ACSF2: variants seen among roughly 807,000 people sequenced by gnomAD.
ACSF2 encodes the protein acyl-CoA synthetase family member 2.
A neutral mutation model predicts 79.3 loss-of-function variants in ACSF2; 52 were observed. The ratio of observed to expected loss-of-function variants is 0.66; its 90% confidence interval spans 0.53 to 0.83. The LOEUF is 0.83. Ranked by LOEUF, ACSF2 falls within the 40% of genes least tolerant of loss-of-function variation. ACSF2 has a pLI of 0.00. For missense variants in ACSF2, 661 were observed against 803.3 expected, an observed-to-expected ratio of 0.82 and a Z score of 2.14; for synonymous variants, 283 against 312.6, an observed-to-expected ratio of 0.91 and a Z score of 1.00.
At chr17:50,458,923 G>A (rs1023575802) in intron 1 of ACSF2, among the ~76,000 whole-genome samples, 3 of 152,304 alleles carry the variant, frequency 2.0e-5, no homozygotes, top group Middle Eastern at 3.4e-3. Flanking sequence ...TCCCACCCAC[G>A]AAGAGCTAAT....
At position 50,463,717 on chromosome 17, in the gene ACSF2, C is replaced by T; in HGVS notation, c.1047-101C>T. 1 of 1,483,400 alleles carries T rather than the reference C, an allele frequency of 6.7e-7. No individual in the cohort carries two copies. The highest frequency in any genetic ancestry group is 1.2e-5 in the South Asian group (1 of 82,508). 91.9% of individuals were successfully genotyped at this position (1,483,400 alleles called of 1,614,324 possible). On this transcript the variant is annotated intron_variant, in intron 8 of 15. Transcript: ENST00000300441. The surrounding 1 kb of genome is among the most constrained non-coding windows in gnomAD (Gnocchi z 4.6). ...GGACCAGTTCCTGCCTCAGGAGCTT[C>T]TCCTGCCTATTCCCTTTGCTGCAGT...
intron 1 of ACSF2, among the ~76,000 whole-genome samples, chr17:50,437,741 CT>C (rs2030552979): frequency 6.6e-6 from 1 of 152,050 alleles, no homozygotes; most frequent in Non-Finnish European, 1.5e-5. Context: ...GTTGCTTCAT[CT>C]TTTGGATATT....
intron 10 of ACSF2, chr17:50,468,438 T>C (rs751020440): frequency 6.2e-7 from 1 of 1,613,856 alleles, no homozygotes. Context: ...TAGAGGTAGG[T>C]CAGCTCGGTC....
intron 10 of ACSF2, chr17:50,465,664 C>A (rs1329037788): frequency 1.2e-6 from 2 of 1,608,128 alleles, no homozygotes; most frequent in South Asian, 2.2e-5. Context: ...GTGCCTCTAT[C>A]ACATGAGGGT....
intron 1 of ACSF2, among the ~76,000 whole-genome samples, chr17:50,433,988 A>G (rs995584870): frequency 1.4e-4 from 21 of 152,030 alleles, no homozygotes; most frequent in African/African-American, 4.8e-4. Flanking sequence ...TTTTCTGTAC[A>G]TACTTACAAA....
At chr17:50,439,346 A>T (rs1251063668) in intron 1 of ACSF2, among the ~76,000 whole-genome samples, 3 of 148,408 alleles carry the variant, frequency 2.0e-5, no homozygotes, top group African/African-American at 7.5e-5. Context: ...AAGTGCTGGG[A>T]TCACAGGCAT....
chr17:50,449,477 T>C (rs1296441774), intron 1 of ACSF2, among the ~76,000 whole-genome samples: 2 of 149,312 alleles, frequency 1.3e-5, no homozygotes, highest in East Asian at 4.0e-4. Context: ...CGATCTCGGC[T>C]CACTGCAAGC....
At chr17:50,472,728 A>G in intron 12 of ACSF2, 149 bp downstream of exon 12, 1 of 921,538 alleles carries the variant, frequency 1.1e-6, no homozygotes. Flanking sequence ...CAAAATGTAT[A>G]CGGTGGGGAT....
intron 1 of ACSF2, among the ~76,000 whole-genome samples, chr17:50,434,251 C>T (rs1020251180): frequency 1.3e-5 from 2 of 151,204 alleles, no homozygotes; most frequent in Admixed American, 6.6e-5. Flanking sequence ...CCCAGGAAGT[C>T]GAGGCTGCAG....
In ACSF2 at chr17:50,463,373, A is replaced by G; in HGVS notation, c.889-22A>G. The G allele has an allele frequency of 6.2e-7, 1 of 1,612,768 alleles. No individual in the cohort carries two copies. Among genetic ancestry groups the G allele is most frequent in the Non-Finnish European group, 8.5e-7 (1 of 1,179,174 alleles). On this transcript the variant is annotated intron_variant, in intron 7 of 15. Coordinates refer to ENST00000300441, the MANE Select transcript of ACSF2 (RefSeq NM_025149.6). The surrounding 1 kb of genome is among the most constrained non-coding windows in gnomAD (Gnocchi z 4.6). ...TGGCGTCTGGCTCCAAGACAGACCC[A>G]GCCTCCTGTCTCCATCACCAGACAC... is the stretch of plus-strand genomic sequence containing the variant.
chr17:50,430,202 A>G (rs1372569927), intron 1 of ACSF2, among the ~76,000 whole-genome samples: 1 of 152,174 alleles, frequency 6.6e-6, no homozygotes, highest in Non-Finnish European at 1.5e-5. Flanking sequence ...ACCACCCTCC[A>G]TGGGGATGGC....
intron 10 of ACSF2, chr17:50,470,203 T>G (rs745827416): frequency 1.3e-5 from 2 of 152,254 alleles, no homozygotes; most frequent in Non-Finnish European, 2.9e-5. Flanking sequence ...CTAGCCTCTC[T>G]TCCCTTACCC....
chr17:50,449,562 G>A (rs1273438289), intron 1 of ACSF2, among the ~76,000 whole-genome samples: 7 of 150,958 alleles, frequency 4.6e-5, no homozygotes, highest in East Asian at 1.9e-4. Flanking sequence ...CCGCCACCAC[G>A]CCCGGCTAAT....
In ACSF2 at chr17:50,469,087, G is replaced by A. The variant is rs1480801009; in HGVS notation, c.1216-1941G>A. 3 of 1,211,382 alleles carry A rather than the reference G, an allele frequency of 2.5e-6. No homozygotes were observed. In the African/African-American group the frequency reaches 4.8e-5, roughly 19 times the overall value. 75.0% of individuals were successfully genotyped at this position (1,211,382 alleles called of 1,614,324 possible). A position where few individuals can be genotyped will look rare whatever the true frequency, so the allele number is the denominator to read the frequency against. On this transcript the variant is annotated intron_variant, in intron 10 of 15. Coordinates refer to ENST00000300441, the MANE Select transcript of ACSF2 (RefSeq NM_025149.6). The stretch of plus-strand genomic sequence containing the variant: ...GGTGGGACCGTGGCCCCCGAGCCCC[G>A]AGCCCTGAGCCCCGGCTGTAGCCCC...
chr17:50,426,536 A>G lies in ACSF2; in HGVS notation c.128+147A>G, dbSNP rs920422654. On this transcript the variant is annotated intron_variant, in intron 1 of 15. Transcript: ENST00000300441. ...CCTCCCCCGCCCCCCGCCAGCACCT[A>G]GGCAATAGGAAAAGCTGGCTTGGCC... is the stretch of plus-strand genomic sequence containing the variant. The G allele has an allele frequency of 6.4e-6, 7 of 1,093,162 alleles. No individual in the cohort carries two copies. In the African/African-American group the frequency reaches 9.8e-5, roughly 15 times the overall value. The allele number at this position is 1,093,162 out of a possible 1,614,324, so 67.7% of individuals were successfully genotyped here.
intron 2 of ACSF2, 80 bp downstream of exon 2, chr17:50,460,952 G>C: frequency 6.9e-7 from 1 of 1,458,538 alleles, no homozygotes; most frequent in Non-Finnish European, 9.3e-7. Context: ...CAGGAGCGTG[G>C]GCACCTGGCT....
chr17:50,452,530 G>A (rs192619286), intron 1 of ACSF2, among the ~76,000 whole-genome samples: 16 of 152,038 alleles, frequency 1.1e-4, no homozygotes, highest in Non-Finnish European at 1.3e-4. Context: ...GGTGGGGCCG[G>A]GGGAGGGAGA....
chr17:50,454,169 A>ATTT (rs34569538), intron 1 of ACSF2, among the ~76,000 whole-genome samples: 11 of 113,068 alleles, frequency 9.7e-5, no homozygotes, highest in East Asian at 4.6e-4. Flanking sequence ...ACCGTCCCAA[A>ATTT]TTTTTTTTTT....
intron 10 of ACSF2, among the ~76,000 whole-genome samples, chr17:50,466,068 AT>A (rs2032690760): frequency 9.8e-6 from 1 of 101,612 alleles, no homozygotes; most frequent in South Asian, 3.2e-4. Flanking sequence ...AGATGGTGTT[AT>A]TTTCTTTTTT....
Sources: gnomAD v4.1 joint callset for allele counts (sites outside exome capture counted in the v4.1 genomes callset) on GRCh38, gnomAD v4.1.1 for gene constraint, Gnocchi (gnomAD v3.1) non-coding constraint, MANE v1.5 for transcripts, NCBI Gene and HGNC (gene_info 2026-07-23, HGNC 2026-07-21) for gene names.